The following CTXND2 variants were observed in gnomAD, a reference collection of about 807,000 sequenced individuals.
The protein encoded by CTXND2 is cortexin domain containing 2.
intron 1 of CTXND2, among the ~76,000 whole-genome samples, chr1:150,900,123 G>A (rs1263821781): frequency 6.6e-6 from 1 of 152,150 alleles, no homozygotes; most frequent in African/African-American, 2.4e-5. Flanking sequence ...TGTGGAGGCT[G>A]TATTCTTTTG....
chr1:150,912,674 T>C lies in CTXND2; in HGVS notation c.*192T>C, dbSNP rs1276747834. ...AAAGTGAGATAAAGGTTGAATTTAT[T>C]GGCTAGAATAAGGCCATAGATTTTA... On this transcript the variant is annotated 3_prime_UTR_variant, in exon 2 of 2. Coordinates refer to ENST00000636087, the Ensembl canonical transcript of CTXND2. 3.4e-5 allele frequency: 13 copies of C among 387,884 alleles called. No individual in the cohort carries two copies. The East Asian group carries it at 4.7e-4, about 14-fold the overall frequency. 24.0% of individuals were successfully genotyped at this position (387,884 alleles called of 1,614,324 possible).
chr1:150,893,399 T>C (rs1260018505), intron 1 of CTXND2, among the ~76,000 whole-genome samples: 1 of 152,190 alleles, frequency 6.6e-6, no homozygotes, highest in East Asian at 1.9e-4. Context: ...TTTTGTCTGG[T>C]TCCTGATTTT....
At chr1:150,898,238 T>C (rs1240122134) in intron 1 of CTXND2, among the ~76,000 whole-genome samples, 1 of 151,944 alleles carries the variant, frequency 6.6e-6, no homozygotes, top group Non-Finnish European at 1.5e-5. Context: ...AATTCCCCCA[T>C]TAAGGTTATT....
At chr1:150,910,460 A>C (rs1409096827) in intron 1 of CTXND2, among the ~76,000 whole-genome samples, 1 of 151,968 alleles carries the variant, frequency 6.6e-6, no homozygotes, top group Non-Finnish European at 1.5e-5. Context: ...AAACAAAAAA[A>C]ACTATGGGAC....
At chr1:150,910,373 G>T (rs587722866) in intron 1 of CTXND2, among the ~76,000 whole-genome samples, 187 of 151,916 alleles carry the variant, frequency 1.2e-3, no homozygotes, top group African/African-American at 4.3e-3. Flanking sequence ...CAGGTGATCC[G>T]CCCTCCTCGG....
At chr1:150,895,469 A>T (rs888517358) in intron 1 of CTXND2, among the ~76,000 whole-genome samples, 8 of 151,720 alleles carry the variant, frequency 5.3e-5, no homozygotes, top group Admixed American at 2.6e-4. Flanking sequence ...TCAGCATCCC[A>T]ATTATCTGGA....
intron 1 of CTXND2, among the ~76,000 whole-genome samples, chr1:150,893,122 GC>G (rs1438291219): frequency 6.6e-6 from 1 of 152,068 alleles, no homozygotes; most frequent in Admixed American, 6.5e-5. Context: ...TATTTTTAAT[GC>G]CATTGTAAAT....
At chr1:150,900,851 A>G (rs1669008508) in intron 1 of CTXND2, among the ~76,000 whole-genome samples, 1 of 152,142 alleles carries the variant, frequency 6.6e-6, no homozygotes, top group Admixed American at 6.5e-5. Context: ...ACAATTCGAG[A>G]CTGGGCATGG....
At chr1:150,902,964 C>T (rs1044365532) in intron 1 of CTXND2, among the ~76,000 whole-genome samples, 1 of 152,060 alleles carries the variant, frequency 6.6e-6, no homozygotes, top group Non-Finnish European at 1.5e-5. Flanking sequence ...CCCTTTTTAT[C>T]CCCTCAAGGT....
At chr1:150,891,343 A>G (rs1571596774) in intron 1 of CTXND2, among the ~76,000 whole-genome samples, 1 of 151,904 alleles carries the variant, frequency 6.6e-6, no homozygotes, top group East Asian at 1.9e-4. Context: ...CCTCCCGAGT[A>G]GCTAGGACTA....
intron 1 of CTXND2, among the ~76,000 whole-genome samples, chr1:150,892,475 G>A (rs1214083063): frequency 2.0e-5 from 3 of 150,666 alleles, no homozygotes; most frequent in African/African-American, 7.3e-5. Flanking sequence ...TTGCTGATAA[G>A]GAAAATCTCT....
intron 1 of CTXND2, among the ~76,000 whole-genome samples, chr1:150,903,314 G>A (rs889914335): frequency 1.3e-5 from 2 of 152,018 alleles, no homozygotes; most frequent in African/African-American, 4.8e-5. Context: ...TTTTGTGCAT[G>A]ATTTGTCCCT....
intron 1 of CTXND2, among the ~76,000 whole-genome samples, chr1:150,893,459 G>GT (rs911149126): frequency 4.6e-5 from 7 of 151,916 alleles, no homozygotes; most frequent in South Asian, 4.2e-4. Flanking sequence ...GTTTGCTATA[G>GT]TTTTTTTTGT....
chr1:150,889,840 A>G lies in CTXND2; in HGVS notation c.-74+2527A>G, dbSNP rs189446167. On this transcript the variant is annotated intron_variant, in intron 1 of 1. Transcript: ENST00000636087. ...CATGTAGACGTATTAAATACATAAA[A>G]TATGCCAGCCCTCCCCAGGCACTGA... 1.9e-3 allele frequency among the ~76,000 whole-genome samples: 294 copies of G among 152,224 alleles called. 3 individuals carry two copies. Among genetic ancestry groups the G allele is most frequent in the Non-Finnish European group, 3.4e-3 (230 of 67,992 alleles).
intron 1 of CTXND2, among the ~76,000 whole-genome samples, chr1:150,910,496 T>C (rs1276063967): frequency 5.3e-5 from 8 of 151,994 alleles, no homozygotes; most frequent in African/African-American, 1.9e-4. Context: ...AAAATAAGGG[T>C]CTAACTTAAT....
intron 1 of CTXND2, among the ~76,000 whole-genome samples, chr1:150,893,459 G>T (rs914693046): frequency 6.6e-6 from 1 of 151,800 alleles, no homozygotes; most frequent in Non-Finnish European, 1.5e-5. Flanking sequence ...GTTTGCTATA[G>T]TTTTTTTTGT....
intron 1 of CTXND2, among the ~76,000 whole-genome samples, chr1:150,906,468 T>C (rs587755711): frequency 7.9e-5 from 12 of 152,274 alleles, no homozygotes; most frequent in Non-Finnish European, 1.6e-4. Context: ...ATTGGTACAA[T>C]TGGTGACACC....
chr1:150,897,429 A>G (rs587671766), intron 1 of CTXND2, among the ~76,000 whole-genome samples: 1 of 152,320 alleles, frequency 6.6e-6, no homozygotes, highest in East Asian at 1.9e-4. Flanking sequence ...GGCTCAAGTG[A>G]TTCTCCAGCA....
intron 1 of CTXND2, among the ~76,000 whole-genome samples, chr1:150,910,101 ATTTC>A (rs1669222997): frequency 1.4e-5 from 2 of 147,714 alleles, no homozygotes; most frequent in South Asian, 4.3e-4. Context: ...CAGAAGGTCA[ATTTC>A]TTTTTCTTTT....
Sources: gnomAD v4.1 joint callset for allele counts (sites outside exome capture counted in the v4.1 genomes callset) on GRCh38, gnomAD v4.1.1 for gene constraint, MANE v1.5 for transcripts, NCBI Gene and HGNC (gene_info 2026-07-23, HGNC 2026-07-21) for gene names.